Variants in SNX9 observed in about 807,000 individuals in gnomAD.
SNX9 encodes sorting nexin 9.
In SNX9, 44 loss-of-function variants were observed where a neutral mutation model predicts 89.4. That is an observed-to-expected ratio of 0.49 (90% CI 0.39 to 0.63). The LOEUF (loss-of-function observed/expected upper bound fraction) is 0.63. Among genes scored for constraint, SNX9 ranks in the 30% least tolerant of loss-of-function variants. SNX9 has a pLI of 0.00. For missense variants in SNX9, 578 were observed against 736.1 expected, an observed-to-expected ratio of 0.79 and a Z score of 2.49; for synonymous variants, 236 against 247.8, an observed-to-expected ratio of 0.95 and a Z score of 0.45.
chr6:157,827,862 CT>C (rs67464115), intron 1 of SNX9, among the ~76,000 whole-genome samples: 22,569 of 133,692 alleles, frequency 0.17, 3,279 homozygotes, highest in African/African-American at 0.41. Context: ...GTTCCTGATG[CT>C]TTTTTTTTTT....
rs1781838304 is a variant in SNX9 at position 157,848,087 on chromosome 6, T to C, written c.13-19460T>C. Among the ~76,000 whole-genome samples, 3 of 152,204 alleles carry C rather than the reference T, an allele frequency of 2.0e-5. No homozygotes were observed. In the South Asian group the frequency reaches 6.2e-4, roughly 32 times the overall value. On this transcript the variant is annotated intron_variant, in intron 1 of 17. Transcript: ENST00000392185. ...TTCTGTAATTGCACTCACCACCACC[T>C]GGAATTGCTTTGCGTGTTGATGGCT...
rs548939156 is a variant in SNX9 at position 157,837,348 on chromosome 6, A to G, written c.12+13902A>G. Among the ~76,000 whole-genome samples the G allele has an allele frequency of 1.8e-3, 274 of 152,334 alleles. 1 individual carries two copies. The highest frequency in any genetic ancestry group is 2.9e-3 in the Non-Finnish European group (195 of 68,026). ...AACATGCGATACAGTTTTGTGTGTT[A>G]TTAAAACAGTAATCAGTCCAGATTT... On this transcript the variant is annotated intron_variant, in intron 1 of 17. Transcript: ENST00000392185.
At chr6:157,865,204 T>C (rs1417626411) in intron 1 of SNX9, among the ~76,000 whole-genome samples, 1 of 151,632 alleles carries the variant, frequency 6.6e-6, no homozygotes, top group Non-Finnish European at 1.5e-5. Context: ...CCAAGTGTGG[T>C]GGTAGGCGCC....
At position 157,938,692 on chromosome 6, in the gene SNX9, A is replaced by G. The variant is rs1209060675; in HGVS notation, c.1593A>G (p.Leu531=). 2 of 1,614,032 alleles carry G rather than the reference A, an allele frequency of 1.2e-6. No individual in the cohort carries two copies. The highest frequency in any genetic ancestry group is 1.3e-5 in the African/African-American group (1 of 74,940). The change falls in exon 16 of 18, where the codon CTA becomes CTG. Residue 531 remains leucine, a synonymous_variant. Coordinates refer to ENST00000392185, the MANE Select transcript of SNX9 (RefSeq NM_016224.5). ...DKLVATSKIT[L]QDKQNMVKRV... ...TAGTTGCAACAAGTAAAATCACCCT[A>G]CAAGACAAACAGAACATGGTGAAGA...
chr6:157,865,447 C>T (rs933944218), intron 1 of SNX9, among the ~76,000 whole-genome samples: 1 of 147,646 alleles, frequency 6.8e-6, no homozygotes, highest in Non-Finnish European at 1.5e-5. Context: ...TTCTTCATGA[C>T]GCCCTGAGGG....
intron 9 of SNX9, among the ~76,000 whole-genome samples, chr6:157,913,897 T>C (rs954216810): frequency 3.3e-5 from 5 of 152,238 alleles, no homozygotes; most frequent in Non-Finnish European, 2.9e-5. Flanking sequence ...CATTCACTCA[T>C]TGAAAGACAT....
intron 4 of SNX9, among the ~76,000 whole-genome samples, chr6:157,875,562 T>C (rs1022609259): frequency 3.9e-5 from 6 of 152,156 alleles, no homozygotes; most frequent in African/African-American, 1.4e-4. Flanking sequence ...ATAGATGCCC[T>C]GGCCCTGGCA....
At chr6:157,827,679 AT>A (rs1781406472) in intron 1 of SNX9, among the ~76,000 whole-genome samples, 2 of 147,704 alleles carry the variant, frequency 1.4e-5, no homozygotes, top group African/African-American at 5.1e-5. Context: ...GAAATGAAGA[AT>A]TTTTTTTCAG....
At position 157,921,551 on chromosome 6, in the gene SNX9, A is replaced by G. The variant is rs771170543; in HGVS notation, c.970A>G (p.Ile324Val). 1 of 1,613,818 alleles carries G rather than the reference A, an allele frequency of 6.2e-7. No individual in the cohort carries two copies. The highest frequency in any genetic ancestry group is 8.5e-7 in the Non-Finnish European group (1 of 1,179,768). Reference protein sequence around the residue: ...QVTGRFEEEFIKMRMERLQAW... With the variant: ...QVTGRFEEEFVKMRMERLQAW... ...TGCAGGCCGCTTTGAAGAGGAATTT[A>G]TCAAAATGCGCATGGAGAGACTTCA... The change falls in exon 10 of 18, where the codon ATC becomes GTC. Residue 324 changes from isoleucine (I) to valine (V), a missense_variant. Ile to Val is a conservative substitution (Grantham distance 29). Coordinates refer to ENST00000392185, the MANE Select transcript of SNX9 (RefSeq NM_016224.5).
chr6:157,930,141 A>G (rs1583244214), intron 12 of SNX9, among the ~76,000 whole-genome samples: 1 of 152,090 alleles, frequency 6.6e-6, no homozygotes, highest in African/African-American at 2.4e-5. Flanking sequence ...GCCAATAACT[A>G]CCTCTGCCTC....
At chr6:157,898,566 C>T (rs928391160) in intron 5 of SNX9, among the ~76,000 whole-genome samples, 1 of 152,160 alleles carries the variant, frequency 6.6e-6, no homozygotes, top group African/African-American at 2.4e-5. Context: ...TGGTTTAAGA[C>T]CTCTGCATTC....
At position 157,943,027 on chromosome 6, in the gene SNX9, C is replaced by G. The variant is rs1784074733; in HGVS notation, c.*189C>G. The G allele has an allele frequency of 2.0e-6, 1 of 504,486 alleles. No individual in the cohort carries two copies. The highest frequency in any genetic ancestry group is 3.4e-6 in the Non-Finnish European group (1 of 291,872). 31.3% of individuals were successfully genotyped at this position (504,486 alleles called of 1,614,324 possible). On this transcript the variant is annotated 3_prime_UTR_variant, in exon 18 of 18. Coordinates refer to ENST00000392185, the MANE Select transcript of SNX9 (RefSeq NM_016224.5). ...AGTTATTTAGGGATGGTCTTTTGTT[C>G]ATTTCCGCATCCATTATTTAAACCA...
chr6:157,826,323 T>G (rs1781343568), intron 1 of SNX9, among the ~76,000 whole-genome samples: 1 of 151,444 alleles, frequency 6.6e-6, no homozygotes, highest in Non-Finnish European at 1.5e-5. Context: ...ACGGTGAAAC[T>G]CCATCTATAC....
Position 157,911,037 on chromosome 6 carries a change from C to T in SNX9, c.949+1012C>T, listed in dbSNP as rs149258544. 2.6e-3 allele frequency among the ~76,000 whole-genome samples: 400 copies of T among 152,096 alleles called. 2 individuals carry two copies. The highest frequency in any genetic ancestry group is 9.2e-3 in the African/African-American group (382 of 41,500). The stretch of plus-strand genomic sequence containing the variant: ...CTGAGGCAGGAGAATGGCATGAACC[C>T]GGGAGGCAGAGGTTGCGGTGAGCCG... On this transcript the variant is annotated intron_variant, in intron 9 of 17. Transcript: ENST00000392185.
chr6:157,872,870 C>T, intron 2 of SNX9: 1 of 355,536 alleles, frequency 2.8e-6, no homozygotes, highest in Admixed American at 4.3e-5. Flanking sequence ...CAGCTGTTTT[C>T]AATCTTTGAT....
At chr6:157,907,611 T>C (rs1783244838) in intron 7 of SNX9, among the ~76,000 whole-genome samples, 1 of 152,192 alleles carries the variant, frequency 6.6e-6, no homozygotes, top group Non-Finnish European at 1.5e-5. Flanking sequence ...GGGGACTTTG[T>C]CCCAGGTTTG....
chr6:157,827,586 T>C (rs1198155025), intron 1 of SNX9, among the ~76,000 whole-genome samples: 1 of 138,680 alleles, frequency 7.2e-6, no homozygotes, highest in African/African-American at 2.7e-5. Context: ...TATTATATTA[T>C]AGTTTATATA....
At chr6:157,896,447 T>G (rs1782978540) in intron 4 of SNX9, among the ~76,000 whole-genome samples, 1 of 152,228 alleles carries the variant, frequency 6.6e-6, no homozygotes, top group African/African-American at 2.4e-5. Context: ...AGCAGTTGTT[T>G]GTGAATGTGT....
intron 1 of SNX9, among the ~76,000 whole-genome samples, chr6:157,838,726 CATTTAAAGAGCTCCT>C (rs750451815): frequency 1.9e-4 from 29 of 152,194 alleles, no homozygotes; most frequent in Non-Finnish European, 3.8e-4. Flanking sequence ...TTTGAGGTCT[CATTTAAAGAGCTCCT>C]ATTTTAGTGA....
Sources: allele counts gnomAD v4.1 joint callset (sites outside exome capture counted in the v4.1 genomes callset), GRCh38; gene constraint gnomAD v4.1.1; transcripts MANE v1.5; gene names NCBI Gene and HGNC (gene_info 2026-07-23, HGNC 2026-07-21).